Variants in HS3ST5 observed in about 807,000 individuals in gnomAD.
HS3ST5 encodes the protein heparan sulfate-glucosamine 3-sulfotransferase 5.
HS3ST5 carries 10 observed loss-of-function variants against 25.4 expected under a neutral mutation model. The observed-to-expected ratio is 0.39, with a 90% CI of 0.24 to 0.67. The LOEUF is 0.67. Among genes scored for constraint, HS3ST5 ranks in the 30% least tolerant of loss-of-function variants. The pLI, the probability that HS3ST5 is intolerant of heterozygous loss-of-function variation, is 0.44. For synonymous variants in HS3ST5, 170 were observed against 162.4 expected, an observed-to-expected ratio of 1.05 and a Z score of -0.36; for missense variants, 324 against 420.7, an observed-to-expected ratio of 0.77 and a Z score of 2.01.
At chr6:114,170,093 A>G (rs1779407885) in intron 2 of HS3ST5, among the ~76,000 whole-genome samples, 1 of 152,190 alleles carries the variant, frequency 6.6e-6, no homozygotes, top group South Asian at 2.1e-4. Context: ...CTAACAAAAA[A>G]TGATTTTAAG....
chr6:114,091,517 A>AC (rs1008860228), intron 3 of HS3ST5, among the ~76,000 whole-genome samples: 27 of 151,750 alleles, frequency 1.8e-4, no homozygotes, highest in African/African-American at 6.5e-4. Flanking sequence ...CTCTACTAAA[A>AC]AAAAAAAATA....
chr6:114,324,909 C>A (rs1200681267), intron 1 of HS3ST5, among the ~76,000 whole-genome samples: 1 of 152,194 alleles, frequency 6.6e-6, no homozygotes, highest in African/African-American at 2.4e-5. Context: ...CAGCCTAAGA[C>A]AACTTTAGTC....
At chr6:114,222,835 T>A (rs1018264120) in intron 2 of HS3ST5, among the ~76,000 whole-genome samples, 3 of 151,886 alleles carry the variant, frequency 2.0e-5, no homozygotes, top group African/African-American at 7.2e-5. Context: ...ATAAGTCCAA[T>A]GTCTTAGTGA....
chr6:114,105,478 C>T (rs1775946823), intron 3 of HS3ST5, among the ~76,000 whole-genome samples: 1 of 152,072 alleles, frequency 6.6e-6, no homozygotes, highest in Non-Finnish European at 1.5e-5. Context: ...TTTGTTGTAT[C>T]TTTGCTACTG....
intron 1 of HS3ST5, among the ~76,000 whole-genome samples, chr6:114,238,104 A>T (rs1409774510): frequency 6.6e-6 from 1 of 152,226 alleles, no homozygotes; most frequent in Non-Finnish European, 1.5e-5. Context: ...AAATGTTGAG[A>T]CTTAGTCTGC....
intron 1 of HS3ST5, among the ~76,000 whole-genome samples, chr6:114,330,916 T>C (rs1776368127): frequency 6.6e-6 from 1 of 152,224 alleles, no homozygotes; most frequent in African/African-American, 2.4e-5. Context: ...AAGCACCACA[T>C]TAACCATATT....
At chr6:114,298,488 C>G (rs537320362) in intron 1 of HS3ST5, among the ~76,000 whole-genome samples, 2 of 152,276 alleles carry the variant, frequency 1.3e-5, no homozygotes, top group South Asian at 4.1e-4. Flanking sequence ...GAGGTAGGTC[C>G]TGTCATTATT....
At chr6:114,188,712 C>T (rs750792741) in intron 2 of HS3ST5, among the ~76,000 whole-genome samples, 8 of 152,064 alleles carry the variant, frequency 5.3e-5, no homozygotes, top group Admixed American at 1.3e-4. Flanking sequence ...AAAAGGCTTT[C>T]GTTCTTTTTC....
intron 1 of HS3ST5, among the ~76,000 whole-genome samples, chr6:114,266,366 A>C (rs77386658): frequency 1.3e-5 from 2 of 152,200 alleles, no homozygotes; most frequent in African/African-American, 4.8e-5. Flanking sequence ...AACATTTGGC[A>C]AAAAATTTAA....
chr6:114,253,860 T>C (rs1406897839), intron 1 of HS3ST5, among the ~76,000 whole-genome samples: 1 of 152,200 alleles, frequency 6.6e-6, no homozygotes, highest in Non-Finnish European at 1.5e-5. Context: ...CCTCTGCTCA[T>C]TGCCTCAGGT....
chr6:114,223,158 AT>A (rs914868565), intron 2 of HS3ST5, among the ~76,000 whole-genome samples: 2 of 151,442 alleles, frequency 1.3e-5, no homozygotes, highest in African/African-American at 2.4e-5. Flanking sequence ...TATTTTTTTC[AT>A]TTTAATAGGA....
At chr6:114,142,118 G>T (rs1777938073) in intron 3 of HS3ST5, among the ~76,000 whole-genome samples, 1 of 151,154 alleles carries the variant, frequency 6.6e-6, no homozygotes, top group African/African-American at 2.4e-5. Flanking sequence ...TTCCATTTGT[G>T]TACTGTCTCC....
At chr6:114,293,498 A>G (rs1230670271) in intron 1 of HS3ST5, among the ~76,000 whole-genome samples, 1 of 152,196 alleles carries the variant, frequency 6.6e-6, no homozygotes, top group African/African-American at 2.4e-5. Flanking sequence ...CTGGGAATAC[A>G]TGAATTGCAC....
At chr6:114,291,774 G>C (rs1774589070) in intron 1 of HS3ST5, among the ~76,000 whole-genome samples, 1 of 152,294 alleles carries the variant, frequency 6.6e-6, no homozygotes, top group South Asian at 2.1e-4. Context: ...AAGGCAAAAA[G>C]AGCTTCTAGA....
chr6:114,162,972 G>A (rs1267998571), intron 3 of HS3ST5, among the ~76,000 whole-genome samples: 1 of 152,132 alleles, frequency 6.6e-6, no homozygotes, highest in African/African-American at 2.4e-5. Flanking sequence ...AGGGCGGGGG[G>A]TTTTGAATTA....
chr6:114,060,324 A>G (rs1773035099), intron 4 of HS3ST5, among the ~76,000 whole-genome samples: 1 of 152,172 alleles, frequency 6.6e-6, no homozygotes, highest in Admixed American at 6.5e-5. Context: ...GACAGCTTTT[A>G]AAAAACAGGA....
chr6:114,270,142 A>T (rs1363648485), intron 1 of HS3ST5, among the ~76,000 whole-genome samples: 1 of 152,210 alleles, frequency 6.6e-6, no homozygotes, highest in East Asian at 1.9e-4. Context: ...GATGCTGAGA[A>T]TTCTTGTATT....
chr6:114,333,991 T>C (rs1014895273), intron 1 of HS3ST5, among the ~76,000 whole-genome samples: 7 of 152,184 alleles, frequency 4.6e-5, no homozygotes, highest in African/African-American at 1.7e-4. Flanking sequence ...TGTACCCGTC[T>C]TGTGCTCTGC....
chr6:114,214,668 T>G (rs1781669337), intron 2 of HS3ST5, among the ~76,000 whole-genome samples: 1 of 152,228 alleles, frequency 6.6e-6, no homozygotes, highest in Non-Finnish European at 1.5e-5. Flanking sequence ...ACACAGAATT[T>G]TAGCTGTTAC....
Sources: gnomAD v4.1 joint callset for allele counts (sites outside exome capture counted in the v4.1 genomes callset) on GRCh38, gnomAD v4.1.1 for gene constraint, MANE v1.5 for transcripts, NCBI Gene and HGNC (gene_info 2026-07-23, HGNC 2026-07-21) for gene names.